Variants in RABGEF1 observed in about 807,000 individuals in gnomAD.
The protein encoded by RABGEF1 is rab5 GDP/GTP exchange factor.
RABGEF1 carries 26 observed loss-of-function variants against 57.3 expected under a neutral mutation model. The ratio of observed to expected loss-of-function variants is 0.45; its 90% confidence interval spans 0.33 to 0.63. The LOEUF (loss-of-function observed/expected upper bound fraction) is 0.63. Among genes scored for constraint, RABGEF1 ranks in the 20% least tolerant of loss-of-function variants. RABGEF1 has a pLI of 0.02. For synonymous variants in RABGEF1, 185 were observed against 210.7 expected, an observed-to-expected ratio of 0.88 and a Z score of 1.06; for missense variants, 464 against 607.6, an observed-to-expected ratio of 0.76 and a Z score of 2.48.
At chr7:66,754,973 G>A (rs62466847) in intron 1 of RABGEF1, among the ~76,000 whole-genome samples, 6,007 of 152,056 alleles carry the variant, frequency 0.04, 166 homozygotes, top group East Asian at 0.085. Context: ...CCAGGAGTTC[G>A]AGACCAGCCT....
chr7:66,766,710 C>CTTATTTATTTATTTATTTAT (rs59017193), intron 1 of RABGEF1, among the ~76,000 whole-genome samples: 6 of 149,350 alleles, frequency 4.0e-5, no homozygotes, highest in East Asian at 2.0e-4. Context: ...ACTGTTACCT[C>CTTATTTATTTATTTATTTAT]TTATTTATTT....
intron 4 of RABGEF1, among the ~76,000 whole-genome samples, chr7:66,788,157 A>G (rs182051487): frequency 6.6e-6 from 1 of 152,164 alleles, no homozygotes; most frequent in East Asian, 1.9e-4. Flanking sequence ...GCTTTTTAAT[A>G]AACTTGGGGC....
chr7:66,800,762 G>C (rs563204067), intron 7 of RABGEF1, among the ~76,000 whole-genome samples: 1 of 152,318 alleles, frequency 6.6e-6, no homozygotes, highest in South Asian at 2.1e-4. Context: ...TTTACGGCCT[G>C]TTGCTAATAG....
At chr7:66,692,565 A>T (rs1791676861) in intron 1 of RABGEF1, among the ~76,000 whole-genome samples, 1 of 152,240 alleles carries the variant, frequency 6.6e-6, no homozygotes, top group South Asian at 2.1e-4. Context: ...AGGTAAAGGG[A>T]TGGGCAGAGA....
intron 4 of RABGEF1, among the ~76,000 whole-genome samples, chr7:66,793,751 C>G (rs930958581): frequency 4.6e-5 from 7 of 152,028 alleles, no homozygotes; most frequent in Admixed American, 1.3e-4. Flanking sequence ...GCCATGAGTG[C>G]TTGGCCATTT....
intron 4 of RABGEF1, among the ~76,000 whole-genome samples, chr7:66,795,060 TG>T (rs1043496579): frequency 6.6e-6 from 1 of 151,494 alleles, no homozygotes; most frequent in Non-Finnish European, 1.5e-5. Flanking sequence ...CCCACCGGGG[TG>T]GAGTTTTGGG....
intron 1 of RABGEF1, among the ~76,000 whole-genome samples, chr7:66,758,666 A>T (rs1278933176): frequency 1.3e-5 from 2 of 152,100 alleles, no homozygotes; most frequent in Non-Finnish European, 2.9e-5. Context: ...TGTAGCTGTG[A>T]TGTCCAATCT....
At chr7:66,695,389 C>T (rs1275984868) in intron 1 of RABGEF1, among the ~76,000 whole-genome samples, 1 of 152,090 alleles carries the variant, frequency 6.6e-6, no homozygotes, top group East Asian at 1.9e-4. Context: ...GCAAGAGGAG[C>T]TCAGAGGAAG....
intron 2 of RABGEF1, among the ~76,000 whole-genome samples, chr7:66,728,302 A>G (rs921826339): frequency 3.9e-5 from 6 of 151,940 alleles, no homozygotes; most frequent in African/African-American, 7.3e-5. Flanking sequence ...CTTCCTGTCT[A>G]TTGTCTTGTG....
rs1294876894 is a variant in RABGEF1, at chr7:66,749,524, G to A, written c.-18+8732G>A. ...GTAAAAACAAAAAACAGAACTTTGC[G>A]AGGTGTTGTTCACCTGTAGTCCCAA... On this transcript the variant is annotated intron_variant, in intron 1 of 8. Coordinates refer to ENST00000284957, the MANE Select transcript of RABGEF1 (RefSeq NM_014504.3). Among the ~76,000 whole-genome samples the A allele has an allele frequency of 2.0e-5, 3 of 152,196 alleles. No individual in the cohort carries two copies. In the East Asian group the frequency reaches 5.8e-4, roughly 29 times the overall value.
intron 1 of RABGEF1, among the ~76,000 whole-genome samples, chr7:66,744,465 A>G (rs1459635621): frequency 2.0e-5 from 3 of 151,404 alleles, no homozygotes; most frequent in African/African-American, 4.9e-5. Flanking sequence ...TCAGGAGATC[A>G]AGACCATCCT....
In RABGEF1 at chr7:66,811,401, G is replaced by A. The variant is rs2129203519; in HGVS notation, c.*2117G>A. On this transcript the variant is annotated 3_prime_UTR_variant, in exon 9 of 9. Transcript: ENST00000284957. ...ATTTTATGTAGGGTAAATGTGACTG[G>A]AATACACCTTTGGAACGGAATTCTT... is the stretch of plus-strand genomic sequence containing the variant. 1 of 152,482 alleles carries A rather than the reference G, an allele frequency of 6.6e-6. No individual in the cohort carries two copies. Among genetic ancestry groups the A allele is most frequent in the African/African-American group, 2.4e-5 (1 of 41,536 alleles). The allele number at this position is 152,482 out of a possible 1,614,324, so 9.4% of individuals were successfully genotyped here.
chr7:66,738,777 G>T (rs1798367001), upstream of RABGEF1, among the ~76,000 whole-genome samples: 1 of 151,048 alleles, frequency 6.6e-6, no homozygotes, highest in Admixed American at 6.6e-5. Flanking sequence ...TCACAGAATG[G>T]TTTATAGAAT....
chr7:66,672,352 A>T, the RABGEF1 span, among the ~76,000 whole-genome samples: 1 of 151,990 alleles, frequency 6.6e-6, no homozygotes, highest in Non-Finnish European at 1.5e-5. Flanking sequence ...GAATGGTGTG[A>T]ACCTGGGAGG....
chr7:66,775,436 G>A, intron 3 of RABGEF1, 43 bp downstream of exon 3: 1 of 1,594,422 alleles, frequency 6.3e-7, no homozygotes, highest in Non-Finnish European at 8.6e-7. Flanking sequence ...GCCTGAGTGA[G>A]ACACAGAGGA....
intron 1 of RABGEF1, among the ~76,000 whole-genome samples, chr7:66,749,926 A>G (rs999231817): frequency 6.6e-6 from 1 of 152,180 alleles, no homozygotes; most frequent in African/African-American, 2.4e-5. Context: ...GTGAGCCGAG[A>G]TCGCACCACT....
chr7:66,754,099 T>G (rs1435756458), intron 1 of RABGEF1, among the ~76,000 whole-genome samples: 1 of 149,074 alleles, frequency 6.7e-6, no homozygotes, highest in Non-Finnish European at 1.5e-5. Context: ...GCTTCCTGGG[T>G]TCAAGCGATT....
chr7:66,697,107 T>C (rs1792467066), intron 1 of RABGEF1, among the ~76,000 whole-genome samples: 1 of 152,056 alleles, frequency 6.6e-6, no homozygotes. Flanking sequence ...AGCACAGTCA[T>C]GGTGGTGAGG....
chr7:66,719,168 A>AAACC, intron 2 of RABGEF1, among the ~76,000 whole-genome samples: 1 of 152,128 alleles, frequency 6.6e-6, no homozygotes, highest in East Asian at 1.9e-4. Context: ...TTAACACCAA[A>AAACC]AACCAACCAA....
Sources: allele counts gnomAD v4.1 joint callset (sites outside exome capture counted in the v4.1 genomes callset), GRCh38; gene constraint gnomAD v4.1.1; transcripts MANE v1.5; gene names NCBI Gene and HGNC (gene_info 2026-07-23, HGNC 2026-07-21).